KCTD8: variants seen among roughly 807,000 people sequenced by gnomAD.
The protein encoded by KCTD8 is potassium channel tetramerization domain containing 8.
A neutral mutation model predicts 31.5 loss-of-function variants in KCTD8; 27 were observed. The observed-to-expected ratio is 0.86, with a 90% CI of 0.63 to 1.18. The LOEUF (loss-of-function observed/expected upper bound fraction) is 1.18, where lower values mean the gene tolerates loss of function less well. Among genes scored for constraint, KCTD8 ranks in the 50% most tolerant of loss-of-function variants. The pLI is 0.00. For synonymous variants in KCTD8, 290 were observed against 280.0 expected (o/e 1.04, Z -0.36); for missense variants, 658 against 647.7 (o/e 1.02, Z -0.17).
At chr4:44,213,838 T>C (rs1714564927) in intron 1 of KCTD8, among the ~76,000 whole-genome samples, 1 of 152,142 alleles carries the variant, frequency 6.6e-6, no homozygotes, top group Non-Finnish European at 1.5e-5. Context: ...AAGTGTGGCA[T>C]ACTGATTATT....
intron 1 of KCTD8, among the ~76,000 whole-genome samples, chr4:44,199,361 A>G (rs1027004749): frequency 6.6e-6 from 1 of 152,096 alleles, no homozygotes; most frequent in Admixed American, 6.6e-5. Context: ...TATTCTTCTC[A>G]TGTACACTTA....
intron 1 of KCTD8, among the ~76,000 whole-genome samples, chr4:44,421,302 G>A (rs1721204450): frequency 6.6e-6 from 1 of 152,034 alleles, no homozygotes; most frequent in South Asian, 2.1e-4. Flanking sequence ...CCTACTAGAT[G>A]ATTTGGTGCA....
intron 1 of KCTD8, among the ~76,000 whole-genome samples, chr4:44,375,411 G>A (rs552228483): frequency 3.3e-5 from 5 of 152,076 alleles, no homozygotes; most frequent in African/African-American, 1.2e-4. Flanking sequence ...GAAGGGGGTG[G>A]AGGAACAGGA....
intron 1 of KCTD8, among the ~76,000 whole-genome samples, chr4:44,321,808 T>C (rs890025342): frequency 5.3e-5 from 8 of 152,110 alleles, no homozygotes; most frequent in Non-Finnish European, 1.0e-4. Flanking sequence ...TCTACCTCCA[T>C]GAGATAAACT....
chr4:44,328,560 T>C (rs1718512784), intron 1 of KCTD8, among the ~76,000 whole-genome samples: 1 of 151,950 alleles, frequency 6.6e-6, no homozygotes, highest in Non-Finnish European at 1.5e-5. Context: ...TCATTACACA[T>C]GTAACTATTT....
At chr4:44,416,990 A>G (rs1043289521) in intron 1 of KCTD8, among the ~76,000 whole-genome samples, 1 of 152,190 alleles carries the variant, frequency 6.6e-6, no homozygotes, top group Non-Finnish European at 1.5e-5. Context: ...TACAGTCACA[A>G]TCTTTTTTAA....
chr4:44,404,067 A>G (rs1720729196), intron 1 of KCTD8, among the ~76,000 whole-genome samples: 1 of 152,124 alleles, frequency 6.6e-6, no homozygotes, highest in African/African-American at 2.4e-5. Context: ...GACCCAACCC[A>G]TTTCTTAGAT....
At chr4:44,390,517 C>A (rs1244137494) in intron 1 of KCTD8, among the ~76,000 whole-genome samples, 1 of 151,866 alleles carries the variant, frequency 6.6e-6, no homozygotes, top group Non-Finnish European at 1.5e-5. Context: ...TATATTAATA[C>A]CAGTACCAGG....
At chr4:44,261,270 G>T (rs1400491968) in intron 1 of KCTD8, among the ~76,000 whole-genome samples, 1 of 151,942 alleles carries the variant, frequency 6.6e-6, no homozygotes, top group Non-Finnish European at 1.5e-5. Context: ...TGCATTAAGT[G>T]TTAAATTCCT....
At chr4:44,345,214 C>A (rs1719007434) in intron 1 of KCTD8, among the ~76,000 whole-genome samples, 1 of 151,744 alleles carries the variant, frequency 6.6e-6, no homozygotes, top group South Asian at 2.1e-4. Context: ...TTTAATTTAC[C>A]ATAGTAATTA....
At chr4:44,332,688 CTATTA>C (rs1412204950) in intron 1 of KCTD8, among the ~76,000 whole-genome samples, 1 of 151,884 alleles carries the variant, frequency 6.6e-6, no homozygotes, top group Admixed American at 6.6e-5. Flanking sequence ...CTTTTTCACT[CTATTA>C]TCTCTTTCTT....
chr4:44,431,598 A>T (rs143154395), intron 1 of KCTD8, among the ~76,000 whole-genome samples: 145 of 151,674 alleles, frequency 9.6e-4, no homozygotes, highest in African/African-American at 3.3e-3. Flanking sequence ...CAACAAAAAA[A>T]ACCTTACTCT....
At chr4:44,201,344 A>G (rs1265757148) in intron 1 of KCTD8, among the ~76,000 whole-genome samples, 1 of 152,128 alleles carries the variant, frequency 6.6e-6, no homozygotes, top group Non-Finnish European at 1.5e-5. Flanking sequence ...GAGCCTAAAT[A>G]TCCAAAGCAA....
At chr4:44,242,966 C>T (rs1405494811) in intron 1 of KCTD8, among the ~76,000 whole-genome samples, 2 of 152,100 alleles carry the variant, frequency 1.3e-5, no homozygotes, top group Non-Finnish European at 2.9e-5. Flanking sequence ...GAACTAGGAC[C>T]CAACTAAATC....
intron 1 of KCTD8, among the ~76,000 whole-genome samples, chr4:44,179,720 T>A (rs1158218906): frequency 6.6e-6 from 1 of 151,810 alleles, no homozygotes; most frequent in African/African-American, 2.4e-5. Flanking sequence ...TCATTAGGGA[T>A]CACTAATAGT....
chr4:44,439,659 T>G (rs1266017140), intron 1 of KCTD8, among the ~76,000 whole-genome samples: 3 of 152,114 alleles, frequency 2.0e-5, no homozygotes, highest in Non-Finnish European at 4.4e-5. Flanking sequence ...TAAGATAGAA[T>G]TAACCAGATC....
intron 1 of KCTD8, among the ~76,000 whole-genome samples, chr4:44,176,897 A>ATCTATCTATCTATCTATCTC (rs1454842891): frequency 5.9e-5 from 9 of 151,886 alleles, no homozygotes; most frequent in African/African-American, 2.2e-4. Context: ...CTATCTATCT[A>ATCTATCTATCTATCTATCTC]TCTCAGGGAA....
chr4:44,237,031 T>C (rs991080851), intron 1 of KCTD8, among the ~76,000 whole-genome samples: 1 of 152,168 alleles, frequency 6.6e-6, no homozygotes, highest in East Asian at 1.9e-4. Context: ...ATTAAACCTG[T>C]TTTTCTTTTT....
At chr4:44,332,654 G>C (rs1718618499) in intron 1 of KCTD8, among the ~76,000 whole-genome samples, 1 of 151,836 alleles carries the variant, frequency 6.6e-6, no homozygotes, top group Admixed American at 6.6e-5. Context: ...GGCAAGAAAA[G>C]TTTAAATGAA....
Sources: gnomAD v4.1 joint callset for allele counts (sites outside exome capture counted in the v4.1 genomes callset) on GRCh38, gnomAD v4.1.1 for gene constraint, MANE v1.5 for transcripts, NCBI Gene and HGNC (gene_info 2026-07-23, HGNC 2026-07-21) for gene names.